PAX2: variants seen among roughly 807,000 people sequenced by gnomAD.
PAX2 encodes paired box protein Pax-2.
In PAX2, 9 loss-of-function variants were observed where a neutral mutation model predicts 41.7. The observed-to-expected ratio is 0.22, with a 90% CI of 0.13 to 0.38. The LOEUF (loss-of-function observed/expected upper bound fraction) is 0.38, where lower values mean the gene tolerates loss of function less well. PAX2 is among the 10% of genes least tolerant of loss of function. The pLI is 1.00. For missense variants in PAX2, 418 were observed against 531.6 expected (o/e 0.79, Z 2.10); for synonymous variants, 221 against 212.7 (o/e 1.04, Z -0.34).
At chr10:100,822,399 C>T (rs1409128208) in intron 7 of PAX2, among the ~76,000 whole-genome samples, 1 of 152,020 alleles carries the variant, frequency 6.6e-6, no homozygotes, top group Non-Finnish European at 1.5e-5. Context: ...GACCAATATA[C>T]ATGAAACAAT....
At chr10:100,749,237 C>T (rs1320044980) in intron 1 of PAX2, 1 of 991,226 alleles carries the variant, frequency 1.0e-6, no homozygotes, top group Non-Finnish European at 1.2e-6. Context: ...CACTTATCCC[C>T]TGTCTGTGCT....
chr10:100,813,528 G>A (rs2133964524), intron 7 of PAX2, among the ~76,000 whole-genome samples: 1 of 152,306 alleles, frequency 6.6e-6, no homozygotes, highest in South Asian at 2.1e-4. Context: ...GTGACTTTGG[G>A]AATCAGGAAG....
chr10:100,797,669 C>A (rs993572055), intron 5 of PAX2, among the ~76,000 whole-genome samples: 5 of 152,096 alleles, frequency 3.3e-5, no homozygotes, highest in Non-Finnish European at 7.3e-5. Context: ...ACTATTTCTA[C>A]AATAGAGGTT....
intron 3 of PAX2, among the ~76,000 whole-genome samples, chr10:100,774,507 C>T (rs900443492): frequency 6.6e-6 from 1 of 152,062 alleles, no homozygotes; most frequent in Non-Finnish European, 1.5e-5. Context: ...CTTCTCAATG[C>T]TCTTCCCAGG....
At chr10:100,812,147 TC>T (rs1398490030) in intron 7 of PAX2, among the ~76,000 whole-genome samples, 1 of 152,118 alleles carries the variant, frequency 6.6e-6, no homozygotes, top group African/African-American at 2.4e-5. Flanking sequence ...CCCCATAGCC[TC>T]CCCTCCCCAC....
At chr10:100,814,883 G>T (rs1337310248) in intron 7 of PAX2, among the ~76,000 whole-genome samples, 1 of 152,244 alleles carries the variant, frequency 6.6e-6, no homozygotes, top group Non-Finnish European at 1.5e-5. Flanking sequence ...GGGAGCAGAA[G>T]AGGCTGGTCT....
intron 3 of PAX2, among the ~76,000 whole-genome samples, chr10:100,751,115 C>T (rs915671307): frequency 6.6e-6 from 1 of 152,210 alleles, no homozygotes; most frequent in East Asian, 1.9e-4. Context: ...CCAGGCTTCT[C>T]CCGCCGGCGT....
rs1052041988 is a variant in PAX2, at chr10:100,827,332, C to G, written c.1109-211C>G. Among the ~76,000 whole-genome samples the G allele has an allele frequency of 6.6e-6, 1 of 152,212 alleles. No individual in the cohort carries two copies. Among genetic ancestry groups the G allele is most frequent in the African/African-American group, 2.4e-5 (1 of 41,462 alleles). On this transcript the variant is annotated intron_variant, in intron 9 of 9. Coordinates refer to ENST00000355243, the MANE Select transcript of PAX2 (RefSeq NM_000278.5). The surrounding 1 kb of genome is among the most constrained non-coding windows in gnomAD (Gnocchi z 8.5). ...TCGCCCTCGGATCCCCTGGAGGGTG[C>G]GCAGCCGGGCGTCACCAGATCGGGT...
chr10:100,735,918 C>T (rs1047201023), intron 1 of PAX2, among the ~76,000 whole-genome samples: 3 of 152,234 alleles, frequency 2.0e-5, no homozygotes, highest in Admixed American at 2.0e-4. Context: ...CTCCCGGTGT[C>T]CTCTAAACCT....
chr10:100,741,261 A>G (rs916629970), upstream of PAX2, among the ~76,000 whole-genome samples: 2 of 152,108 alleles, frequency 1.3e-5, no homozygotes. Context: ...CAGGAAAAGA[A>G]GAGTGAGAGC....
chr10:100,809,668 G>A (rs1045012632), intron 7 of PAX2, among the ~76,000 whole-genome samples: 1 of 152,190 alleles, frequency 6.6e-6, no homozygotes, highest in Non-Finnish European at 1.5e-5. Flanking sequence ...CCCGCTTACC[G>A]CTCCCTCCAG....
upstream of PAX2, among the ~76,000 whole-genome samples, chr10:100,742,458 G>T (rs989153841): frequency 6.6e-6 from 1 of 152,078 alleles, no homozygotes; most frequent in Admixed American, 6.5e-5. Context: ...CGGAGGCAAG[G>T]TTGGGGGCCG....
chr10:100,764,132 T>C (rs1051030559), intron 3 of PAX2, among the ~76,000 whole-genome samples: 1 of 148,522 alleles, frequency 6.7e-6, no homozygotes, highest in East Asian at 1.9e-4. Flanking sequence ...TGCACAAACA[T>C]TGAATTTTTT....
intron 7 of PAX2, among the ~76,000 whole-genome samples, chr10:100,821,092 A>T (rs1316808761): frequency 6.6e-6 from 1 of 152,204 alleles, no homozygotes; most frequent in South Asian, 2.1e-4. Flanking sequence ...TTACCCATTC[A>T]TATTCTTTCA....
At position 100,781,496 on chromosome 10, in the gene PAX2, C is replaced by G. The variant is rs1846623914; in HGVS notation, c.616+131C>G. ...TTTAGTAGCAAAGCCCAGGTCCCCC[C>G]ACTGCCCTGCTGGCTCCTGGAGAGA... On this transcript the variant is annotated intron_variant, in intron 5 of 9. Coordinates refer to ENST00000355243, the MANE Select transcript of PAX2 (RefSeq NM_000278.5). The G allele has an allele frequency of 6.3e-6, 6 of 959,382 alleles. No homozygotes were observed. The South Asian group carries it at 6.5e-5, about 10-fold the overall frequency. 59.4% of individuals were successfully genotyped at this position (959,382 alleles called of 1,614,324 possible).
At chr10:100,763,088 C>G (rs1209238644) in intron 3 of PAX2, among the ~76,000 whole-genome samples, 3 of 152,238 alleles carry the variant, frequency 2.0e-5, no homozygotes, top group Non-Finnish European at 4.4e-5. Flanking sequence ...AGAACACTGC[C>G]TGCTTGACTG....
At chr10:100,785,925 T>G (rs1275874553) in intron 5 of PAX2, among the ~76,000 whole-genome samples, 1 of 152,140 alleles carries the variant, frequency 6.6e-6, no homozygotes, top group Non-Finnish European at 1.5e-5. Context: ...CTCAATCTTC[T>G]CCTCTGTAAA....
chr10:100,741,198 G>A (rs1229596410), upstream of PAX2, among the ~76,000 whole-genome samples: 1 of 152,178 alleles, frequency 6.6e-6, no homozygotes, highest in Non-Finnish European at 1.5e-5. Context: ...GGGCCAGCTG[G>A]GAGTCAGGCC....
chr10:100,736,862 A>G (rs1297556876), intron 1 of PAX2, among the ~76,000 whole-genome samples: 1 of 152,188 alleles, frequency 6.6e-6, no homozygotes, highest in Non-Finnish European at 1.5e-5. Flanking sequence ...TTATGGCAAA[A>G]TTAAAAGCGA....
Sources: gnomAD v4.1 joint callset for allele counts (sites outside exome capture counted in the v4.1 genomes callset) on GRCh38, gnomAD v4.1.1 for gene constraint, Gnocchi (gnomAD v3.1) non-coding constraint, MANE v1.5 for transcripts, NCBI Gene and HGNC (gene_info 2026-07-23, HGNC 2026-07-21) for gene names.